Variants in PAPLN observed in about 807,000 individuals in gnomAD.
PAPLN encodes papilin, proteoglycan like sulfated glycoprotein, also known as papilin.
PAPLN carries 146 observed loss-of-function variants against 159.0 expected under a neutral mutation model. That is an observed-to-expected ratio of 0.92 (90% CI 0.80 to 1.05). The LOEUF (loss-of-function observed/expected upper bound fraction) is 1.05. Ranked by LOEUF, PAPLN falls within the 50% of genes least tolerant of loss-of-function variation. The pLI is 0.00. For missense variants in PAPLN, 1,720 were observed against 1,743.9 expected (o/e 0.99, Z 0.24); for synonymous variants, 734 against 702.9 (o/e 1.04, Z -0.70).
intron 13 of PAPLN, 85 bp from the exon 14 acceptor site, chr14:73,254,792 G>A (rs1447585422): frequency 5.7e-6 from 9 of 1,590,684 alleles, no homozygotes; most frequent in Middle Eastern, 4.1e-4. Context: ...GCGCCACTGG[G>A]CACCTTCCCC....
At chr14:73,242,417 A>G (rs533807229) in intron 2 of PAPLN, among the ~76,000 whole-genome samples, 1 of 152,318 alleles carries the variant, frequency 6.6e-6, no homozygotes, top group Admixed American at 6.5e-5. Flanking sequence ...AGGAGCCAAG[A>G]CAGACATCCA....
chr14:73,265,441 G>A lies in PAPLN; in HGVS notation c.3197G>A (p.Arg1066His), dbSNP rs199829671. Residue 1066 changes from arginine to histidine, a missense_variant, in exon 23 of 27, where the codon CGT becomes CAT. Coordinates refer to ENST00000644200, the MANE Select transcript of PAPLN (RefSeq NM_001365906.3). The surrounding 1 kb of genome is among the most constrained non-coding windows in gnomAD (Gnocchi z 4.1). ...GGCCAGCGGATCCGGATGACCTGCCGTGCCGAAGGCTTCCCGCCCCCAGCC... is the reference window on the plus strand; with the variant it reads ...GGCCAGCGGATCCGGATGACCTGCCATGCCGAAGGCTTCCCGCCCCCAGCC... ...SPGQRIRMTC[R>H]AEGFPPPAIE... is the part of the protein sequence containing the mutation. 31 of 1,613,374 alleles carry A rather than the reference G, an allele frequency of 1.9e-5. No individual in the cohort carries two copies. Among genetic ancestry groups the A allele is most frequent in the East Asian group, 8.9e-5 (4 of 44,892 alleles).
chr14:73,243,220 C>G (rs939081168), intron 2 of PAPLN: 3 of 152,274 alleles, frequency 2.0e-5, no homozygotes, highest in African/African-American at 7.2e-5. Flanking sequence ...TCTCGAACTC[C>G]TGACCTCAGG....
rs760016033 is a variant in PAPLN, at chr14:73,272,554, A to C, written c.3727A>C (p.Asn1243His). 1 of 1,599,518 alleles carries C rather than the reference A, an allele frequency of 6.3e-7. No individual in the cohort carries two copies. The highest frequency in any genetic ancestry group is 8.6e-7 in the Non-Finnish European group (1 of 1,168,058). Residue 1243 changes from asparagine to histidine, a missense_variant, in exon 27 of 27, where the codon AAC (asparagine) becomes CAC (histidine). Coordinates refer to ENST00000644200, the MANE Select transcript of PAPLN (RefSeq NM_001365906.3). ...CTGCGTCGACCAGCCAGAGCTGGCC[A>C]ACTGTGATTTGATCCTGCAGGCCCA... ...RDCVDQPELANCDLILQAQLC... is the reference protein window; with the variant it reads ...RDCVDQPELAHCDLILQAQLC...
At position 73,245,666 on chromosome 14, in the gene PAPLN, C is replaced by A; in HGVS notation, c.201C>A (p.Pro67=). ...ATGGAGGCTCCAGCTGCGTGGGCCCCGCCCGGAGCCACCGCTCTTGTCGCA... is the reference window on the plus strand; with the variant it reads ...ATGGAGGCTCCAGCTGCGTGGGCCCAGCCCGGAGCCACCGCTCTTGTCGCA... The part of the protein sequence containing the change: ...RRDGGSSCVG[P]ARSHRSCRTE... Residue 67 remains proline, a synonymous_variant, in exon 4 of 27, where the codon CCC becomes CCA. Coordinates refer to ENST00000644200, the MANE Select transcript of PAPLN (RefSeq NM_001365906.3). The surrounding 1 kb of genome is among the most constrained non-coding windows in gnomAD (Gnocchi z 4.2). 1 of 1,557,384 alleles carries A rather than the reference C, an allele frequency of 6.4e-7. No homozygotes were observed. Among genetic ancestry groups the A allele is most frequent in the East Asian group, 2.4e-5 (1 of 42,004 alleles).
intron 14 of PAPLN, among the ~76,000 whole-genome samples, chr14:73,257,866 C>G (rs566980280): frequency 4.2e-4 from 62 of 149,374 alleles, no homozygotes; most frequent in African/African-American, 1.5e-3. Context: ...CAGGTTCAAG[C>G]GATTCTCCTG....
chr14:73,247,889 C>CGTGT (rs71112721), intron 5 of PAPLN, among the ~76,000 whole-genome samples: 21 of 19,848 alleles, frequency 1.1e-3, no homozygotes, highest in South Asian at 4.2e-3. Flanking sequence ...TCATATCCTC[C>CGTGT]GTGTGTGTGT....
At position 73,259,440 on chromosome 14, in the gene PAPLN, CCCA is replaced by C; in HGVS notation, c.1882_1884del (p.His628del). The C allele has an allele frequency of 3.1e-6, 5 of 1,612,678 alleles. No homozygotes were observed. The highest frequency in any genetic ancestry group is 4.2e-6 in the Non-Finnish European group (5 of 1,179,616). On this transcript the variant is annotated inframe_deletion, in exon 16 of 27. Transcript: ENST00000644200. ...CAACCCCTGCGGTCGGGCTCAGGGC[CCCA>C]CGACTGCAGACACAGTCCTCACGGG... is the stretch of plus-strand genomic sequence containing the variant.
Position 73,266,577 on chromosome 14 carries a change from G to T in PAPLN, c.3340G>T (p.Ala1114Ser). 6.2e-7 allele frequency: 1 copy of T among 1,614,150 alleles called. No homozygotes were observed. Among genetic ancestry groups the T allele is most frequent in the Admixed American group, 1.7e-5 (1 of 60,026 alleles). Reference protein sequence around the residue: ...VEDGGFYTCVAFNGQDRDQRW... With the variant: ...VEDGGFYTCVSFNGQDRDQRW... The stretch of plus-strand genomic sequence containing the variant: ...AGATGGCGGCTTCTACACCTGTGTC[G>T]CTTTCAATGGGCAGGACCGAGACCA... Residue 1114 changes from alanine (A) to serine (S), a missense_variant, in exon 24 of 27, where the codon GCT becomes TCT. Transcript: ENST00000644200.
intron 18 of PAPLN, chr14:73,261,944 G>A (rs1886634360): frequency 5.2e-6 from 1 of 193,528 alleles, no homozygotes; most frequent in Non-Finnish European, 1.0e-5. Flanking sequence ...CCCTTGCTGG[G>A]CATCTTCACA....
In PAPLN at chr14:73,264,626, C is replaced by T. The variant is rs578104818; in HGVS notation, c.3025C>T (p.Arg1009Cys). 56 of 1,603,352 alleles carry T rather than the reference C, an allele frequency of 3.5e-5. No individual in the cohort carries two copies. Among genetic ancestry groups the T allele is most frequent in the South Asian group, 2.5e-4 (22 of 89,462 alleles). The change falls in exon 22 of 27, where the codon CGC becomes TGC. Residue 1009 changes from arginine to cysteine, a missense_variant. By Grantham distance (180) the Arg-to-Cys change is radical. Transcript: ENST00000644200. ...CGTGCTGTCTGAGGCTGAGCTGAGC[C>T]GCTTCCCTCAGCCCAGGGACCCAGC... ...MAVLSEAELS[R>C]FPQPRDPAQD...
At chr14:73,258,465 G>A (rs1886171825) in intron 14 of PAPLN, among the ~76,000 whole-genome samples, 3 of 151,778 alleles carry the variant, frequency 2.0e-5, no homozygotes, top group Admixed American at 2.0e-4. Flanking sequence ...TTTATAGCTG[G>A]TACTTTTTGC....
Position 73,265,613 on chromosome 14 carries a change from C to T in PAPLN, c.3263+106C>T. On this transcript the variant is annotated intron_variant, in intron 23 of 26. Transcript: ENST00000644200. This position sits in a 1 kb window ranked among gnomAD's most constrained non-coding sequence, Gnocchi z 4.1. ...TGCTAGCGCATGGTCATGGCCAGTC[C>T]TGAGCCGGACTCCAGGGCCTCTTGA... The T allele has an allele frequency of 6.8e-7, 1 of 1,481,440 alleles. No individual in the cohort carries two copies. The highest frequency in any genetic ancestry group is 9.1e-7 in the Non-Finnish European group (1 of 1,102,962). 91.8% of individuals were successfully genotyped at this position (1,481,440 alleles called of 1,614,324 possible). A position where few individuals can be genotyped will look rare whatever the true frequency, so the allele number is the denominator to read the frequency against.
At chr14:73,244,383 C>G (rs1415254976) in intron 2 of PAPLN, 2 of 406,428 alleles carry the variant, frequency 4.9e-6, no homozygotes, top group Non-Finnish European at 8.9e-6. Context: ...GCCCCTGAAA[C>G]TCCAAACTCT....
chr14:73,246,132 G>C lies in PAPLN; in HGVS notation c.291G>C (p.Ala97=). 1.3e-6 allele frequency: 2 copies of C among 1,591,270 alleles called. No homozygotes were observed. The highest frequency in any genetic ancestry group is 1.1e-5 in the South Asian group (1 of 88,818). The change falls in exon 5 of 27, where the codon GCG becomes GCC. Residue 97 remains alanine (A), a synonymous_variant. Transcript: ENST00000644200. ...AGCAGTGCGCGGAGTTCGACGGAGCGGAGTTCCAGGGGCGGCGGTATCGGT... is the reference window on the plus strand; with the variant it reads ...AGCAGTGCGCGGAGTTCGACGGAGCCGAGTTCCAGGGGCGGCGGTATCGGT... ...RAEQCAEFDG[A]EFQGRRYRWL... is the part of the protein sequence containing the mutation.
intron 6 of PAPLN, 129 bp downstream of exon 6, chr14:73,250,243 C>A (rs569666619): frequency 1.6e-6 from 2 of 1,249,630 alleles, no homozygotes; most frequent in African/African-American, 3.1e-5. Context: ...TACCAGGACA[C>A]CAAGCCCAGC....
At position 73,264,226 on chromosome 14, in the gene PAPLN, C is replaced by T. The variant is rs369723468; in HGVS notation, c.2877C>T (p.Phe959=). The T allele has an allele frequency of 9.9e-6, 16 of 1,613,728 alleles. No individual in the cohort carries two copies. The African/African-American group carries it at 1.2e-4, about 12-fold the overall frequency. The change falls in exon 21 of 27, where the codon TTC becomes TTT. Residue 959 remains phenylalanine, a synonymous_variant. Transcript: ENST00000644200. Reference sequence around the variant, plus strand: ...CCCCACTCAGGCACAGGCTGCAGTTCGACGGATCCCTGATCATCCACCCCC... The same window carrying T: ...CCCCACTCAGGCACAGGCTGCAGTTTGACGGATCCCTGATCATCCACCCCC... ...PISSDRHRLQ[F]DGSLIIHPLQ...
intron 16 of PAPLN, among the ~76,000 whole-genome samples, chr14:73,259,883 A>G (rs1886359472): frequency 1.3e-5 from 2 of 152,146 alleles, no homozygotes; most frequent in Admixed American, 6.5e-5. Context: ...GGTAAAGGCT[A>G]GACGAGGGCC....
chr14:73,237,154 C>T (rs1883083728), upstream of PAPLN, among the ~76,000 whole-genome samples: 1 of 152,066 alleles, frequency 6.6e-6, no homozygotes, highest in African/African-American at 2.4e-5. Flanking sequence ...GAATAGGATC[C>T]AGGGGTGGAG....
Sources: allele counts gnomAD v4.1 joint callset (sites outside exome capture counted in the v4.1 genomes callset), GRCh38; gene constraint gnomAD v4.1.1; non-coding constraint Gnocchi (gnomAD v3.1); transcripts MANE v1.5; gene names NCBI Gene and HGNC (gene_info 2026-07-23, HGNC 2026-07-21).